The following NCKAP5 variants were observed in gnomAD, a reference collection of about 807,000 sequenced individuals.
The protein encoded by NCKAP5 is NCK associated protein 5.
NCKAP5 carries 92 observed loss-of-function variants against 167.0 expected under a neutral mutation model. That is an observed-to-expected ratio of 0.55 (90% CI 0.47 to 0.66). The LOEUF (loss-of-function observed/expected upper bound fraction) is 0.66. Ranked by LOEUF, NCKAP5 falls within the 30% of genes least tolerant of loss-of-function variation. NCKAP5 has a pLI of 0.00. For missense variants in NCKAP5, 2,378 were observed against 2,315.0 expected, an observed-to-expected ratio of 1.03 and a Z score of -0.56; for synonymous variants, 891 against 877.4, an observed-to-expected ratio of 1.02 and a Z score of -0.27.
At chr2:133,547,609 C>T (rs1686853247) in intron 2 of NCKAP5, among the ~76,000 whole-genome samples, 1 of 151,484 alleles carries the variant, frequency 6.6e-6, no homozygotes, top group Admixed American at 6.6e-5. Flanking sequence ...CACCCCCCAG[C>T]AGGGGCACAC....
intron 3 of NCKAP5, among the ~76,000 whole-genome samples, chr2:133,472,994 C>A (rs1679485352): frequency 6.6e-6 from 1 of 152,078 alleles, no homozygotes; most frequent in African/African-American, 2.4e-5. Flanking sequence ...CTAAAAATTT[C>A]TTACCACTGC....
At chr2:133,115,242 T>G (rs527977183) in intron 6 of NCKAP5, among the ~76,000 whole-genome samples, 1 of 152,322 alleles carries the variant, frequency 6.6e-6, no homozygotes, top group East Asian at 1.9e-4. Context: ...CTGTTTTTGA[T>G]TGGTGGAAGA....
chr2:133,466,682 TC>T, intron 3 of NCKAP5, among the ~76,000 whole-genome samples: 1 of 152,226 alleles, frequency 6.6e-6, no homozygotes, highest in African/African-American at 2.4e-5. Context: ...CTCTTTTATT[TC>T]CTTGAGCAGT....
At chr2:132,839,087 C>T (rs1036091994) in intron 11 of NCKAP5, among the ~76,000 whole-genome samples, 5 of 152,114 alleles carry the variant, frequency 3.3e-5, no homozygotes, top group African/African-American at 7.2e-5. Context: ...TTTGTAAGAG[C>T]TCTTTGTATA....
intron 3 of NCKAP5, among the ~76,000 whole-genome samples, chr2:133,321,993 C>A (rs1445041445): frequency 6.6e-6 from 1 of 152,122 alleles, no homozygotes; most frequent in Non-Finnish European, 1.5e-5. Context: ...CAACCTGGCC[C>A]ACATCAAAAA....
chr2:133,518,652 C>T (rs925883228), intron 2 of NCKAP5, among the ~76,000 whole-genome samples: 3 of 152,072 alleles, frequency 2.0e-5, no homozygotes, highest in African/African-American at 7.2e-5. Flanking sequence ...CCGCGCCTGG[C>T]CCAGTCCAGG....
chr2:132,672,848 C>T lies in NCKAP5; in HGVS notation c.*441G>A. On this transcript the variant is annotated 3_prime_UTR_variant, in exon 20 of 20. Transcript: ENST00000409261. ...TTGAAACACAATAAATGGAGTCTAT[C>T]TTTATTGCCCTGTCAGAGAAATAAG... is the stretch of plus-strand genomic sequence containing the variant. The T allele has an allele frequency of 2.2e-6, 1 of 462,620 alleles. No individual in the cohort carries two copies. Among genetic ancestry groups the T allele is most frequent in the Non-Finnish European group, 2.8e-6 (1 of 351,844 alleles). 28.7% of individuals were successfully genotyped at this position (462,620 alleles called of 1,614,324 possible).
intron 3 of NCKAP5, among the ~76,000 whole-genome samples, chr2:133,320,998 T>G (rs9808392): frequency 0.018 from 2,774 of 152,144 alleles, 96 homozygotes; most frequent in African/African-American, 0.063. Flanking sequence ...TAGCCATAAC[T>G]TCTAGTGCTG....
chr2:133,018,417 T>C (rs1368566918), intron 6 of NCKAP5, among the ~76,000 whole-genome samples: 1 of 152,220 alleles, frequency 6.6e-6, no homozygotes, highest in Non-Finnish European at 1.5e-5. Context: ...AACAGAGAAG[T>C]AGAAGTGCAA....
intron 4 of NCKAP5, among the ~76,000 whole-genome samples, chr2:133,232,500 C>A (rs2087199515): frequency 6.6e-6 from 1 of 152,118 alleles, no homozygotes; most frequent in African/African-American, 2.4e-5. Context: ...AAATGTCCTA[C>A]TTAGTCCAAA....
At chr2:132,749,535 G>C (rs970782229) in intron 16 of NCKAP5, among the ~76,000 whole-genome samples, 14 of 152,128 alleles carry the variant, frequency 9.2e-5, no homozygotes, top group Non-Finnish European at 1.3e-4. Context: ...AGTTGAAAAA[G>C]ATGGTCCTTT....
chr2:132,932,353 T>C (rs1696447549), intron 8 of NCKAP5, among the ~76,000 whole-genome samples: 1 of 152,196 alleles, frequency 6.6e-6, no homozygotes, highest in Non-Finnish European at 1.5e-5. Flanking sequence ...TGTGTGTATC[T>C]TCATTGTCAT....
chr2:133,035,298 C>T (rs540473371), intron 6 of NCKAP5, among the ~76,000 whole-genome samples: 1 of 151,876 alleles, frequency 6.6e-6, no homozygotes, highest in Non-Finnish European at 1.5e-5. Context: ...GGAATAGGCC[C>T]AATACAATAA....
chr2:133,083,478 A>G (rs573334273), intron 6 of NCKAP5, among the ~76,000 whole-genome samples: 1 of 152,294 alleles, frequency 6.6e-6, no homozygotes, highest in South Asian at 2.1e-4. Context: ...TAAAACCTGA[A>G]GCTCTGGTGA....
rs1159514107 is a variant in NCKAP5 at position 133,210,203 on chromosome 2, T to TATAATATAATATAATATAAC, written c.207+3512_207+3513insGTTATATTATATTATATTAT. On this transcript the variant is annotated intron_variant, in intron 5 of 19. Transcript: ENST00000409261. ...TATAATATAATATAATATAACATAA[T>TATAATATAATATAATATAAC]ATAATGTAATGTAATGTAAAATAAA... 9.7e-4 allele frequency among the ~76,000 whole-genome samples: 145 copies of TATAATATAATATAATATAAC among 149,186 alleles called. 1 individual carries two copies. The highest frequency in any genetic ancestry group is 3.4e-3 in the African/African-American group (137 of 40,748).
intron 5 of NCKAP5, among the ~76,000 whole-genome samples, chr2:133,206,117 T>C (rs937341915): frequency 1.3e-5 from 2 of 152,214 alleles, no homozygotes; most frequent in African/African-American, 4.8e-5. Context: ...AGTCTGGTTA[T>C]GGTTTTTAAA....
intron 4 of NCKAP5, among the ~76,000 whole-genome samples, chr2:133,243,939 T>C (rs936038803): frequency 6.6e-6 from 1 of 152,218 alleles, no homozygotes; most frequent in Admixed American, 6.5e-5. Flanking sequence ...GTCAAGAGTT[T>C]CCTTCTATTT....
intron 4 of NCKAP5, among the ~76,000 whole-genome samples, chr2:133,281,329 T>C (rs545365114): frequency 6.6e-6 from 1 of 152,332 alleles, no homozygotes; most frequent in Admixed American, 6.5e-5. Flanking sequence ...AAAATTATAT[T>C]TTTTTCAAAA....
the NCKAP5 span, among the ~76,000 whole-genome samples, chr2:133,668,414 T>C: frequency 6.6e-6 from 1 of 152,092 alleles, no homozygotes; most frequent in African/African-American, 2.4e-5. Context: ...CAGCAATATA[T>C]GAAGGTTCTA....
Sources: gnomAD v4.1 joint callset for allele counts (sites outside exome capture counted in the v4.1 genomes callset) on GRCh38, gnomAD v4.1.1 for gene constraint, MANE v1.5 for transcripts, NCBI Gene and HGNC (gene_info 2026-07-23, HGNC 2026-07-21) for gene names.